Variants in ALPG observed in about 807,000 individuals in gnomAD.
ALPG encodes the protein alkaline phosphatase, germ cell type.
A neutral mutation model predicts 48.6 loss-of-function variants in ALPG; 32 were observed. That is an observed-to-expected ratio of 0.66 (90% CI 0.50 to 0.88). ALPG has a LOEUF of 0.88. Ranked by LOEUF, ALPG falls within the 40% of genes least tolerant of loss-of-function variation. The pLI is 0.00. For missense variants in ALPG, 533 were observed against 718.1 expected (o/e 0.74, Z 2.95); for synonymous variants, 244 against 308.9 (o/e 0.79, Z 2.20).
chr2:232,408,585 C>G lies in ALPG; in HGVS notation c.856+12C>G. 6.5e-7 allele frequency: 1 copy of G among 1,545,036 alleles called. No homozygotes were observed. The highest frequency in any genetic ancestry group is 1.1e-5 in the South Asian group (1 of 88,764). On this transcript the variant is annotated intron_variant, in intron 7 of 10. Coordinates refer to ENST00000295453, the MANE Select transcript of ALPG (RefSeq NM_031313.3). Reference sequence around the variant, plus strand: ...GACCCATCTCATGGGTAATGACCCCCTTCCTGCCCTGGCATCCCTCAGATG... The same window carrying G: ...GACCCATCTCATGGGTAATGACCCCGTTCCTGCCCTGGCATCCCTCAGATG...
In ALPG at chr2:232,410,335, A is replaced by T. The variant is rs550346148; in HGVS notation, c.*463A>T. 1 of 182,256 alleles carries T rather than the reference A, an allele frequency of 5.5e-6. No individual in the cohort carries two copies. The highest frequency in any genetic ancestry group is 1.5e-4 in the East Asian group (1 of 6,568). 11.3% of individuals were successfully genotyped at this position (182,256 alleles called of 1,614,324 possible). On this transcript the variant is annotated 3_prime_UTR_variant, in exon 11 of 11. Coordinates refer to ENST00000295453, the MANE Select transcript of ALPG (RefSeq NM_031313.3). The stretch of plus-strand genomic sequence containing the variant: ...GTGGCTTCCTGCCACCCTGCAACCC[A>T]CCCTCCCAGCCAAGGAGGCTGCTGT...
chr2:232,408,093 C>A, intron 5 of ALPG, 76 bp downstream of exon 5: 1 of 1,569,624 alleles, frequency 6.4e-7, no homozygotes, highest in South Asian at 1.2e-5. Flanking sequence ...CCCAGGCAAC[C>A]AAAAGCCTTA....
At position 232,407,189 on chromosome 2, in the gene ALPG, C is replaced by T. The variant is rs1366762143; in HGVS notation, c.184+16C>T. 3 of 1,613,930 alleles carry T rather than the reference C, an allele frequency of 1.9e-6. No homozygotes were observed. The highest frequency in any genetic ancestry group is 1.1e-5 in the South Asian group (1 of 90,948). On this transcript the variant is annotated intron_variant, in intron 2 of 10. Transcript: ENST00000295453. The stretch of plus-strand genomic sequence containing the variant: ...CTGGGTGACGGTGAGTGAGCCAGGC[C>T]TTCCAGCCCCGCAGCCCTCACAGCC...
Position 232,406,959 on chromosome 2 carries a change from C to A in ALPG, c.65C>A (p.Pro22Gln), listed in dbSNP as rs139018608. Residue 22 changes from proline (P) to glutamine (Q), a missense_variant and splice_region_variant, in exon 1 of 11, where the codon CCA becomes CAA. Coordinates refer to ENST00000295453, the MANE Select transcript of ALPG (RefSeq NM_031313.3). ...LRLQLSLGII[P>Q]VEEENPDFWN... ...CTACAGCTCTCCCTGGGCATCATCC[C>A]AGGTAATGAGGCTCCCCCAGCTGCC... The A allele has an allele frequency of 8.4e-5, 135 of 1,612,132 alleles. 1 individual carries two copies. The highest frequency in any genetic ancestry group is 1.9e-5 in the Non-Finnish European group (22 of 1,179,650).
rs1697165111 is a variant in ALPG, at chr2:232,410,226, AC to A, written c.*359del. The A allele has an allele frequency of 5.9e-6, 2 of 336,454 alleles. No individual in the cohort carries two copies. Among genetic ancestry groups the A allele is most frequent in the Non-Finnish European group, 1.1e-5 (2 of 184,884 alleles). The allele number at this position is 336,454 out of a possible 1,614,324, so 20.8% of individuals were successfully genotyped here. ...GGGACATGAGGCACCCATACCTAGG[AC>A]CCCCTGCGCCTTTTTTAGCTTCAGT... is the stretch of plus-strand genomic sequence containing the variant. On this transcript the variant is annotated 3_prime_UTR_variant, in exon 11 of 11. Transcript: ENST00000295453.
chr2:232,409,917 C>T lies in ALPG; in HGVS notation c.*45C>T. 1 of 1,498,912 alleles carries T rather than the reference C, an allele frequency of 6.7e-7. No homozygotes were observed. The highest frequency in any genetic ancestry group is 8.8e-7 in the Non-Finnish European group (1 of 1,130,402). 92.9% of individuals were successfully genotyped at this position (1,498,912 alleles called of 1,614,324 possible). A position where few individuals can be genotyped will look rare whatever the true frequency, so the allele number is the denominator to read the frequency against. On this transcript the variant is annotated 3_prime_UTR_variant, in exon 11 of 11. Transcript: ENST00000295453. ...CCTGCTTCCCCATCCCGGAGTTCCC[C>T]TGCTCCCCACCTCCAGTCGTCCTGC...
Position 232,407,783 on chromosome 2 carries a change from G to C in ALPG, c.475+15G>C. The C allele has an allele frequency of 1.2e-6, 2 of 1,613,808 alleles. No homozygotes were observed. Among genetic ancestry groups the C allele is most frequent in the Non-Finnish European group, 1.7e-6 (2 of 1,180,022 alleles). On this transcript the variant is annotated intron_variant, in intron 4 of 10. Transcript: ENST00000295453. ...CAAGAAAGCAGGTGAGCTGGGGCCC[G>C]CTGTGGGGTCAGGGCCAGGTGACAG...
At position 232,410,203 on chromosome 2, in the gene ALPG, G is replaced by C. The variant is rs530548500; in HGVS notation, c.*331G>C. 4 of 431,476 alleles carry C rather than the reference G, an allele frequency of 9.3e-6. No individual in the cohort carries two copies. The highest frequency in any genetic ancestry group is 1.2e-5 in the Non-Finnish European group (3 of 242,242). 26.7% of individuals were successfully genotyped at this position (431,476 alleles called of 1,614,324 possible). The stretch of plus-strand genomic sequence containing the variant: ...GGATCAGGCAGGCTCTCTCCCCGGG[G>C]ACATGAGGCACCCATACCTAGGACC... On this transcript the variant is annotated 3_prime_UTR_variant, in exon 11 of 11. Coordinates refer to ENST00000295453, the MANE Select transcript of ALPG (RefSeq NM_031313.3).
At position 232,410,255 on chromosome 2, in the gene ALPG, T is replaced by C. The variant is rs944098502; in HGVS notation, c.*383T>C. The C allele has an allele frequency of 2.1e-4, 57 of 278,000 alleles. No homozygotes were observed. The highest frequency in any genetic ancestry group is 1.1e-3 in the African/African-American group (47 of 44,102). The allele number at this position is 278,000 out of a possible 1,614,324, so 17.2% of individuals were successfully genotyped here. ...CCTGCGCCTTTTTTAGCTTCAGTCATGGCAGCACCTGAGGGACACAAGGAC... is the reference window on the plus strand; with the variant it reads ...CCTGCGCCTTTTTTAGCTTCAGTCACGGCAGCACCTGAGGGACACAAGGAC... On this transcript the variant is annotated 3_prime_UTR_variant, in exon 11 of 11. Coordinates refer to ENST00000295453, the MANE Select transcript of ALPG (RefSeq NM_031313.3).
Position 232,409,395 on chromosome 2 carries a change from C to G in ALPG, c.1247C>G (p.Pro416Arg), listed in dbSNP as rs1402481883. 6.3e-7 allele frequency: 1 copy of G among 1,583,048 alleles called. No individual in the cohort carries two copies. The highest frequency in any genetic ancestry group is 1.4e-5 in the African/African-American group (1 of 73,002). ...AYTVLLYGNG[P>R]GYVLKDGARP... is the part of the protein sequence containing the mutation. Reference sequence around the variant, plus strand: ...ACGGTCCTCCTATACGGAAACGGTCCAGGCTATGTGCTCAAGGACGGCGCC... The same window carrying G: ...ACGGTCCTCCTATACGGAAACGGTCGAGGCTATGTGCTCAAGGACGGCGCC... The change falls in exon 10 of 11, where the codon CCA becomes CGA. Residue 416 changes from proline to arginine, a missense_variant. Pro to Arg is a moderately radical substitution (Grantham distance 103). This residue lies in a region of ALPG where 11 missense variants were observed against 29.7 expected (regional missense o/e 0.37). Transcript: ENST00000295453.
In ALPG at chr2:232,407,080, T is replaced by A; in HGVS notation, c.91T>A (p.Trp31Arg). 2 of 1,613,792 alleles carry A rather than the reference T, an allele frequency of 1.2e-6. No individual in the cohort carries two copies. The highest frequency in any genetic ancestry group is 1.7e-6 in the Non-Finnish European group (2 of 1,179,958). Residue 31 changes from tryptophan (W) to arginine (R), a missense_variant, in exon 2 of 11, where the codon TGG becomes AGG. Trp to Arg is a moderately radical substitution (Grantham distance 101). This residue lies in a region of ALPG where 315 missense variants were observed against 305.8 expected (regional missense o/e 1.03). Transcript: ENST00000295453. ...IPVEEENPDF[W>R]NRQAAEALGA... ...AGTTGAGGAGGAGAACCCGGACTTC[T>A]GGAACCGCCAGGCAGCCGAGGCCCT...
In ALPG at chr2:232,410,196, C is replaced by A; in HGVS notation, c.*324C>A. 2 of 449,148 alleles carry A rather than the reference C, an allele frequency of 4.5e-6. No individual in the cohort carries two copies. Among genetic ancestry groups the A allele is most frequent in the South Asian group, 6.2e-5 (2 of 32,294 alleles). The allele number at this position is 449,148 out of a possible 1,614,324, so 27.8% of individuals were successfully genotyped here. A position where few individuals can be genotyped will look rare whatever the true frequency, so the allele number is the denominator to read the frequency against. ...CTGAGGTGGATCAGGCAGGCTCTCTCCCCGGGGACATGAGGCACCCATACC... is the reference window on the plus strand; with the variant it reads ...CTGAGGTGGATCAGGCAGGCTCTCTACCCGGGGACATGAGGCACCCATACC... On this transcript the variant is annotated 3_prime_UTR_variant, in exon 11 of 11. Transcript: ENST00000295453.
chr2:232,408,523 G>T lies in ALPG; in HGVS notation c.806G>T (p.Arg269Leu), dbSNP rs565601599. The change falls in exon 7 of 11, where the codon CGC becomes CTC. Residue 269 changes from arginine (R) to leucine (L), a missense_variant. This residue lies in a region of ALPG where 40 missense variants were observed against 74.5 expected (regional missense o/e 0.54). Coordinates refer to ENST00000295453, the MANE Select transcript of ALPG (RefSeq NM_031313.3). ...CAGGGTGCCCGGTACGTGTGGAACC[G>T]CACTGAGCTCCTGCAGGCTTCCCTG... ...KHQGARYVWN[R>L]TELLQASLDP... is the part of the protein sequence containing the mutation. 2.6e-6 allele frequency: 4 copies of T among 1,568,590 alleles called. No homozygotes were observed. The highest frequency in any genetic ancestry group is 2.2e-5 in the South Asian group (2 of 89,546).
At position 232,409,620 on chromosome 2, in the gene ALPG, G is replaced by C; in HGVS notation, c.1347G>C (p.Glu449Asp). 6.2e-7 allele frequency: 1 copy of C among 1,612,772 alleles called. No individual in the cohort carries two copies. ...RQQSAVPLDGETHAGEDVAVF... is the reference protein window; with the variant it reads ...RQQSAVPLDGDTHAGEDVAVF... ...AGTCAGCAGTGCCCCTGGACGGAGAGACCCACGCAGGCGAGGACGTGGCGG... is the reference window on the plus strand; with the variant it reads ...AGTCAGCAGTGCCCCTGGACGGAGACACCCACGCAGGCGAGGACGTGGCGG... The change falls in exon 11 of 11, where the codon GAG (glutamate) becomes GAC (aspartate). Residue 449 changes from glutamate to aspartate, a missense_variant. Transcript: ENST00000295453.
At chr2:232,407,220 G>T (rs772314262) in intron 2 of ALPG, 47 bp downstream of exon 2, 2 of 1,613,748 alleles carry the variant, frequency 1.2e-6, no homozygotes, top group African/African-American at 2.7e-5. Flanking sequence ...CAGCCCCGGC[G>T]CCCGGACCCT....
In ALPG at chr2:232,409,328, G is replaced by A. The variant is rs1334666121; in HGVS notation, c.1184-4G>A. ...CTCAACCACAGGGACCCCTCTCTCTGCAGGGCTGGCCCCTGGCAAGGCCCG... is the reference window on the plus strand; with the variant it reads ...CTCAACCACAGGGACCCCTCTCTCTACAGGGCTGGCCCCTGGCAAGGCCCG... On this transcript the variant is annotated splice_region_variant and splice_polypyrimidine_tract_variant and intron_variant, in intron 9 of 10. Transcript: ENST00000295453. 6.7e-7 allele frequency: 1 copy of A among 1,486,884 alleles called. No homozygotes were observed. The highest frequency in any genetic ancestry group is 1.1e-5 in the South Asian group (1 of 87,324). The allele number at this position is 1,486,884 out of a possible 1,614,324, so 92.1% of individuals were successfully genotyped here.
Position 232,409,993 on chromosome 2 carries a change from G to C in ALPG, c.*121G>C, listed in dbSNP as rs1697161537. ...CCCGGAGTCGCCACACAGACGTCCT[G>C]CCATGGAACCTTCCCCTCCCGGTGC... On this transcript the variant is annotated 3_prime_UTR_variant, in exon 11 of 11. Coordinates refer to ENST00000295453, the MANE Select transcript of ALPG (RefSeq NM_031313.3). The C allele has an allele frequency of 8.6e-6, 12 of 1,392,494 alleles. No homozygotes were observed. The South Asian group carries it at 1.8e-4, about 21-fold the overall frequency. 86.3% of individuals were successfully genotyped at this position (1,392,494 alleles called of 1,614,324 possible). A position where few individuals can be genotyped will look rare whatever the true frequency, so the allele number is the denominator to read the frequency against.
chr2:232,409,635 G>A lies in ALPG; in HGVS notation c.1362G>A (p.Glu454=), dbSNP rs1306356019. Residue 454 remains glutamate, a synonymous_variant, in exon 11 of 11, where the codon GAG becomes GAA. Transcript: ENST00000295453. ...TGGACGGAGAGACCCACGCAGGCGA[G>A]GACGTGGCGGTGTTCGCGCGCGGCC... ...VPLDGETHAG[E]DVAVFARGPQ... 6.2e-7 allele frequency: 1 copy of A among 1,612,460 alleles called. No individual in the cohort carries two copies. Among genetic ancestry groups the A allele is most frequent in the South Asian group, 1.1e-5 (1 of 90,934 alleles).
Position 232,407,848 on chromosome 2 carries a change from A to G in ALPG, c.479A>G (p.Lys160Arg), listed in dbSNP as rs1284984717. Residue 160 changes from lysine (K) to arginine (R), a missense_variant, in exon 5 of 11, where the codon AAG becomes AGG. Physicochemically the swap from Lys to Arg is conservative, Grantham distance 26 (BLOSUM62 2). Coordinates refer to ENST00000295453, the MANE Select transcript of ALPG (RefSeq NM_031313.3). Reference sequence around the variant, plus strand: ...TCCTGACCTCTATCACCCTCAGGAAAGTCAGTGGGAGTGGTAACCACCACA... The same window carrying G: ...TCCTGACCTCTATCACCCTCAGGAAGGTCAGTGGGAGTGGTAACCACCACA... ...SVMNRAKKAG[K>R]SVGVVTTTRV... 6.2e-7 allele frequency: 1 copy of G among 1,613,584 alleles called. No individual in the cohort carries two copies. The highest frequency in any genetic ancestry group is 1.1e-5 in the South Asian group (1 of 90,994).
Sources: gnomAD v4.1 joint callset for allele counts on GRCh38, gnomAD v4.1.1 for gene constraint, gnomAD v4.1.1 regional missense constraint, MANE v1.5 for transcripts, NCBI Gene and HGNC (gene_info 2026-07-23, HGNC 2026-07-21) for gene names.